Variants in ZNF385B observed in about 807,000 individuals in gnomAD.
ZNF385B encodes zinc finger protein 385B, also known as zinc finger protein 533.
Under a neutral mutation model 39.2 loss-of-function variants are expected in ZNF385B, and 23 were observed. That is an observed-to-expected ratio of 0.59 (90% CI 0.42 to 0.83). The LOEUF (loss-of-function observed/expected upper bound fraction) is 0.83, where lower values mean the gene tolerates loss of function less well. Among genes scored for constraint, ZNF385B ranks in the 40% least tolerant of loss-of-function variants. The pLI is 0.00. For synonymous variants in ZNF385B, 205 were observed against 222.6 expected, an observed-to-expected ratio of 0.92 and a Z score of 0.70; for missense variants, 552 against 598.9, an observed-to-expected ratio of 0.92 and a Z score of 0.82.
intron 3 of ZNF385B, among the ~76,000 whole-genome samples, chr2:179,554,843 G>C (rs1406022629): frequency 6.7e-6 from 1 of 149,192 alleles, no homozygotes; most frequent in Non-Finnish European, 1.5e-5. Context: ...GATGAAGAAA[G>C]ATGAAGATAA....
At chr2:179,735,283 G>T (rs1409210763) in intron 3 of ZNF385B, among the ~76,000 whole-genome samples, 1 of 149,300 alleles carries the variant, frequency 6.7e-6, no homozygotes, top group Non-Finnish European at 1.5e-5. Context: ...ATGAAAAATT[G>T]CTCATCATCA....
intron 4 of ZNF385B, among the ~76,000 whole-genome samples, chr2:179,528,196 G>A (rs2059035772): frequency 6.6e-6 from 1 of 152,216 alleles, no homozygotes; most frequent in Admixed American, 6.5e-5. Context: ...AACACAGTCT[G>A]TCAGTCTGTG....
At chr2:179,725,947 G>T in intron 3 of ZNF385B, among the ~76,000 whole-genome samples, 1 of 149,696 alleles carries the variant, frequency 6.7e-6, no homozygotes, top group African/African-American at 2.4e-5. Context: ...TATATACAGA[G>T]AGAGAGATAA....
chr2:179,782,379 A>C (rs1219499644), intron 1 of ZNF385B, among the ~76,000 whole-genome samples: 1 of 152,154 alleles, frequency 6.6e-6, no homozygotes, highest in African/African-American at 2.4e-5. Flanking sequence ...GCAACATTTT[A>C]CTGAATGGGC....
At chr2:179,597,871 G>A (rs2106093600) in intron 3 of ZNF385B, among the ~76,000 whole-genome samples, 1 of 152,132 alleles carries the variant, frequency 6.6e-6, no homozygotes. Context: ...TTAACCATAT[G>A]AAAAACTCTC....
intron 3 of ZNF385B, among the ~76,000 whole-genome samples, chr2:179,748,902 A>G (rs1303052851): frequency 6.6e-6 from 1 of 152,024 alleles, no homozygotes; most frequent in African/African-American, 2.4e-5. Flanking sequence ...GCACTGGGGA[A>G]GTGTCCAGGT....
At chr2:179,768,503 A>G (rs1000576798) in intron 3 of ZNF385B, among the ~76,000 whole-genome samples, 1 of 152,188 alleles carries the variant, frequency 6.6e-6, no homozygotes, top group Admixed American at 6.5e-5. Context: ...TATTTACAAC[A>G]CACCAAGAAC....
chr2:179,451,517 G>C (rs867309830), intron 6 of ZNF385B, among the ~76,000 whole-genome samples: 4 of 151,978 alleles, frequency 2.6e-5, no homozygotes, highest in South Asian at 2.1e-4. Flanking sequence ...GAGATGTATA[G>C]TATGTTTAAC....
At chr2:179,521,847 A>G (rs1052018805) in intron 4 of ZNF385B, among the ~76,000 whole-genome samples, 16 of 152,204 alleles carry the variant, frequency 1.1e-4, no homozygotes, top group Non-Finnish European at 1.9e-4. Flanking sequence ...CACTAATTGT[A>G]TCAAGATTGT....
At chr2:179,846,603 G>A (rs1434724478) in intron 1 of ZNF385B, among the ~76,000 whole-genome samples, 10 of 152,150 alleles carry the variant, frequency 6.6e-5, no homozygotes, top group Admixed American at 6.5e-4. Flanking sequence ...CCCTCTACAG[G>A]CTGGCCTCTC....
intron 3 of ZNF385B, among the ~76,000 whole-genome samples, chr2:179,645,203 T>C (rs1401255420): frequency 6.6e-6 from 1 of 152,210 alleles, no homozygotes; most frequent in African/African-American, 2.4e-5. Context: ...GCACGGCAGC[T>C]GGAACAAATT....
intron 3 of ZNF385B, among the ~76,000 whole-genome samples, chr2:179,648,941 T>C (rs1692977711): frequency 6.6e-6 from 1 of 152,184 alleles, no homozygotes. Flanking sequence ...CATAAAATGC[T>C]TATTAATTAT....
chr2:179,565,181 G>A (rs1684414715), intron 3 of ZNF385B, among the ~76,000 whole-genome samples: 1 of 152,104 alleles, frequency 6.6e-6, no homozygotes, highest in Non-Finnish European at 1.5e-5. Context: ...ATCTCCTGTG[G>A]CTTCTCTCAG....
chr2:179,603,528 T>C (rs948829157), intron 3 of ZNF385B, among the ~76,000 whole-genome samples: 59 of 152,220 alleles, frequency 3.9e-4, no homozygotes, highest in African/African-American at 1.3e-3. Flanking sequence ...AACAACAATT[T>C]TGTTTTATAG....
chr2:179,792,378 T>TC (rs988556708), intron 1 of ZNF385B, among the ~76,000 whole-genome samples: 1 of 143,732 alleles, frequency 7.0e-6, no homozygotes, highest in African/African-American at 2.6e-5. Flanking sequence ...TTCTTTTCTT[T>TC]TTTTTTTTTT....
chr2:179,634,024 G>T (rs1468911132), intron 3 of ZNF385B, among the ~76,000 whole-genome samples: 4 of 152,102 alleles, frequency 2.6e-5, no homozygotes, highest in Non-Finnish European at 2.9e-5. Context: ...GCTGAAACTG[G>T]ATCCCTTCCT....
chr2:179,474,997 T>C (rs556494976), intron 6 of ZNF385B, among the ~76,000 whole-genome samples: 1 of 152,244 alleles, frequency 6.6e-6, no homozygotes, highest in South Asian at 2.1e-4. Flanking sequence ...GCTCAGAGAA[T>C]TGAGTAACTT....
At chr2:179,773,041 T>A (rs1022888731) in intron 1 of ZNF385B, among the ~76,000 whole-genome samples, 1 of 152,228 alleles carries the variant, frequency 6.6e-6, no homozygotes, top group Admixed American at 6.5e-5. Context: ...GAATTCAAAC[T>A]GGACAGTCAG....
chr2:179,732,232 G>A (rs1444806193), intron 3 of ZNF385B, among the ~76,000 whole-genome samples: 1 of 152,144 alleles, frequency 6.6e-6, no homozygotes, highest in African/African-American at 2.4e-5. Context: ...GTGTCCCATT[G>A]GCTCAGCCAA....
Sources: allele counts gnomAD v4.1 joint callset (sites outside exome capture counted in the v4.1 genomes callset), GRCh38; gene constraint gnomAD v4.1.1; transcripts MANE v1.5; gene names NCBI Gene and HGNC (gene_info 2026-07-23, HGNC 2026-07-21).